RAD17: variants seen among roughly 807,000 people sequenced by gnomAD.
RAD17 encodes RAD17 checkpoint clamp loader component, also known as cell cycle checkpoint protein RAD17.
A neutral mutation model predicts 81.5 loss-of-function variants in RAD17; 31 were observed. The ratio of observed to expected loss-of-function variants is 0.38; its 90% CI spans 0.29 to 0.51. RAD17 has a LOEUF of 0.51. Ranked by LOEUF, RAD17 falls within the 20% of genes least tolerant of loss-of-function variation. The pLI, the probability that RAD17 is intolerant of heterozygous loss-of-function variation, is 0.88. For missense variants in RAD17, 681 were observed against 781.2 expected, an observed-to-expected ratio of 0.87 and a Z score of 1.53; for synonymous variants, 261 against 266.2, an observed-to-expected ratio of 0.98 and a Z score of 0.19.
intron 2 of RAD17, 40 bp downstream of exon 2, chr5:69,371,211 T>C (rs757333186): frequency 2.5e-5 from 13 of 525,506 alleles, no homozygotes; most frequent in Admixed American, 4.9e-5. Context: ...TTTTTTTTTT[T>C]CTAATACATC....
rs1763436573 is a variant in RAD17, at chr5:69,377,458, T to TACACACACACAC, written c.351+2748_351+2749insCACACACACACA. On this transcript the variant is annotated intron_variant, in intron 6 of 18. Coordinates refer to ENST00000354868, the MANE Select transcript of RAD17 (RefSeq NM_133338.3). ...GTGTGTGTATATATATATATATATA[T>TACACACACACAC]ATATATATATATATATACACACACA... 0.014 allele frequency among the ~76,000 whole-genome samples: 83 copies of TACACACACACAC among 5,894 alleles called. 13 individuals carry two copies. The East Asian group carries it at 0.38, about 27-fold the overall frequency. 3.9% of individuals were successfully genotyped at this position (5,894 alleles called of 152,430 possible).
Position 69,371,491 on chromosome 5 carries a change from C to A in RAD17, c.-242C>A. 8.5e-7 allele frequency: 1 copy of A among 1,176,314 alleles called. No individual in the cohort carries two copies. Among genetic ancestry groups the A allele is most frequent in the Non-Finnish European group, 1.1e-6 (1 of 900,872 alleles). The allele number at this position is 1,176,314 out of a possible 1,614,324, so 72.9% of individuals were successfully genotyped here. ...TTAATGTACTGCAAGTCCTAAACTA[C>A]GGATGGGAACTATTACAGTTTATAA... On this transcript the variant is annotated 5_prime_UTR_variant, in exon 3 of 19. Coordinates refer to ENST00000354868, the MANE Select transcript of RAD17 (RefSeq NM_133338.3).
chr5:69,388,120 A>G (rs1263566671), intron 11 of RAD17, among the ~76,000 whole-genome samples: 1 of 152,138 alleles, frequency 6.6e-6, no homozygotes, highest in African/African-American at 2.4e-5. Flanking sequence ...CAGTGGTGGG[A>G]GGATTTGTTG....
At chr5:69,381,350 G>A (rs969878944) in intron 6 of RAD17, among the ~76,000 whole-genome samples, 3 of 151,906 alleles carry the variant, frequency 2.0e-5, no homozygotes, top group Admixed American at 6.6e-5. Flanking sequence ...GCGTGGTGGC[G>A]GGCGCCTGTA....
chr5:69,376,163 A>T (rs955348472), intron 6 of RAD17, among the ~76,000 whole-genome samples: 3 of 152,158 alleles, frequency 2.0e-5, no homozygotes, highest in African/African-American at 7.2e-5. Context: ...GAAAGTCAAA[A>T]ATCTTCATTG....
chr5:69,381,936 A>G lies in RAD17; in HGVS notation c.387A>G (p.Gly129=). 1.2e-6 allele frequency: 2 copies of G among 1,606,652 alleles called. No homozygotes were observed. The highest frequency in any genetic ancestry group is 1.7e-6 in the Non-Finnish European group (2 of 1,174,728). Residue 129 remains glycine (G), a synonymous_variant, in exon 7 of 19, where the codon GGA becomes GGG. Transcript: ENST00000354868. ...TTTTATTAATAACAGGTCCTCCTGGATGTGGAAAGACAACGACCTTAAAAA... is the reference window on the plus strand; with the variant it reads ...TTTTATTAATAACAGGTCCTCCTGGGTGTGGAAAGACAACGACCTTAAAAA... ...GSILLITGPP[G]CGKTTTLKIL...
chr5:69,373,165 T>C (rs17229817), intron 4 of RAD17, among the ~76,000 whole-genome samples: 3,877 of 152,326 alleles, frequency 0.025, 45 homozygotes, highest in Non-Finnish European at 0.039. Flanking sequence ...TCTGTTAAAA[T>C]ATTATCATTT....
In RAD17 at chr5:69,384,823, C is replaced by G; in HGVS notation, c.535C>G (p.Gln179Glu). The change falls in exon 8 of 19, where the codon CAG (glutamine) becomes GAG (glutamate). Residue 179 changes from glutamine to glutamate, a missense_variant. Transcript: ENST00000354868. ...ATCAAGCTTCCATATGTTTCCCTAT[C>G]AGTCTCAGATAGCAGTTTTCAAAGA... ...TESSFHMFPY[Q>E]SQIAVFKEFL... The G allele has an allele frequency of 6.2e-7, 1 of 1,608,184 alleles. No homozygotes were observed. Among genetic ancestry groups the G allele is most frequent in the Non-Finnish European group, 8.5e-7 (1 of 1,177,684 alleles).
intron 11 of RAD17, among the ~76,000 whole-genome samples, chr5:69,388,490 AAAGT>A (rs1161881892): frequency 6.6e-6 from 1 of 152,260 alleles, no homozygotes; most frequent in Admixed American, 6.5e-5. Context: ...TCAAAGTGAA[AAAGT>A]AAAATAATAC....
intron 12 of RAD17, among the ~76,000 whole-genome samples, chr5:69,390,279 A>G (rs368769427): frequency 6.6e-6 from 1 of 152,164 alleles, no homozygotes; most frequent in Non-Finnish European, 1.5e-5. Flanking sequence ...ATTCAAATCC[A>G]GATCCTGTGC....
intron 17 of RAD17, among the ~76,000 whole-genome samples, chr5:69,401,308 T>C (rs1580425625): frequency 6.6e-6 from 1 of 152,248 alleles, no homozygotes; most frequent in East Asian, 1.9e-4. Context: ...TACTCTTCTG[T>C]GGATGTAGAA....
At chr5:69,369,582 C>A, upstream of RAD17, 3 of 1,602,804 alleles carry the variant, frequency 1.9e-6, no homozygotes, top group South Asian at 3.3e-5. Context: ...CAAAAGCCCA[C>A]GGCCCCAAAG....
chr5:69,388,112 G>A (rs1188899562), intron 11 of RAD17, among the ~76,000 whole-genome samples: 4 of 152,206 alleles, frequency 2.6e-5, no homozygotes, highest in Non-Finnish European at 4.4e-5. Flanking sequence ...AAGGCTGACA[G>A]TGGTGGGAGG....
At position 69,382,068 on chromosome 5, in the gene RAD17, C is replaced by T. The variant is rs377481140; in HGVS notation, c.508+11C>T. The T allele has an allele frequency of 2.5e-5, 41 of 1,608,858 alleles. No homozygotes were observed. The highest frequency in any genetic ancestry group is 1.6e-4 in the Middle Eastern group (1 of 6,080). On this transcript the variant is annotated intron_variant, in intron 7 of 18. Transcript: ENST00000354868. ...GGATGTTTAATACTGGTAAGATTTGCTGTGAAGGTAGTAGAAGTAGTGGGG... is the reference window on the plus strand; with the variant it reads ...GGATGTTTAATACTGGTAAGATTTGTTGTGAAGGTAGTAGAAGTAGTGGGG...
intron 6 of RAD17, among the ~76,000 whole-genome samples, chr5:69,380,081 A>G (rs1763755759): frequency 6.6e-6 from 1 of 151,948 alleles, no homozygotes; most frequent in African/African-American, 2.4e-5. Flanking sequence ...GGGTTTCTCC[A>G]TGTTGGCCAG....
intron 2 of RAD17, 38 bp from the exon 3 acceptor site, chr5:69,371,416 T>C: frequency 1.6e-6 from 1 of 620,068 alleles, no homozygotes; most frequent in Admixed American, 3.0e-5. Flanking sequence ...TTTACAGTTT[T>C]TCTTCATTTG....
intron 15 of RAD17, among the ~76,000 whole-genome samples, chr5:69,394,409 C>T (rs1357396445): frequency 6.6e-6 from 1 of 151,992 alleles, no homozygotes; most frequent in Non-Finnish European, 1.5e-5. Context: ...CAAAATATGA[C>T]AACCATTAAG....
chr5:69,381,062 C>T (rs1224800590), intron 6 of RAD17, among the ~76,000 whole-genome samples: 1 of 152,112 alleles, frequency 6.6e-6, no homozygotes, highest in Non-Finnish European at 1.5e-5. Context: ...AGCCGCCGTG[C>T]TCTTCCCAAA....
At position 69,414,728 on chromosome 5, in the gene RAD17, T is replaced by C. The variant is rs980676663; in HGVS notation, c.*436T>C. Reference sequence around the variant, plus strand: ...CTTCTCAGATAGTTTTGATGTGTTGTACAGTGGAATATCTTAGATACTTTT... The same window carrying C: ...CTTCTCAGATAGTTTTGATGTGTTGCACAGTGGAATATCTTAGATACTTTT... On this transcript the variant is annotated 3_prime_UTR_variant, in exon 19 of 19. Transcript: ENST00000354868. 1 of 187,706 alleles carries C rather than the reference T, an allele frequency of 5.3e-6. No homozygotes were observed. The highest frequency in any genetic ancestry group is 1.1e-5 in the Non-Finnish European group (1 of 89,504). 11.6% of individuals were successfully genotyped at this position (187,706 alleles called of 1,614,324 possible).
Sources: gnomAD v4.1 joint callset for allele counts (sites outside exome capture counted in the v4.1 genomes callset) on GRCh38, gnomAD v4.1.1 for gene constraint, MANE v1.5 for transcripts, NCBI Gene and HGNC (gene_info 2026-07-23, HGNC 2026-07-21) for gene names.